The following KIF5B variants were observed in gnomAD, a reference collection of about 807,000 sequenced individuals.
KIF5B encodes the protein kinesin family member 5B, also known as kinesin-1 heavy chain.
In KIF5B, 49 loss-of-function variants were observed where a neutral mutation model predicts 132.8. That is an observed-to-expected ratio of 0.37 (90% CI 0.29 to 0.47). The LOEUF (loss-of-function observed/expected upper bound fraction) is 0.47, where lower values mean the gene tolerates loss of function less well. Among genes scored for constraint, KIF5B ranks in the 20% least tolerant of loss-of-function variants. KIF5B has a pLI of 1.00. For synonymous variants in KIF5B, 355 were observed against 369.4 expected, an observed-to-expected ratio of 0.96 and a Z score of 0.45; for missense variants, 780 against 1,144.0, an observed-to-expected ratio of 0.68 and a Z score of 4.59.
chr10:32,033,196 G>A (rs1002235031), intron 12 of KIF5B, among the ~76,000 whole-genome samples: 5 of 151,858 alleles, frequency 3.3e-5, no homozygotes, highest in South Asian at 2.1e-4. Flanking sequence ...TCTTTTATTG[G>A]AGTCTTCAGA....
intron 11 of KIF5B, 94 bp downstream of exon 11, chr10:32,034,596 T>C: frequency 1.2e-6 from 1 of 851,942 alleles, no homozygotes; most frequent in East Asian, 2.9e-5. Context: ...TTTCTTGATC[T>C]AGTCACTTAC....
At chr10:32,030,415 C>T (rs964996010) in intron 14 of KIF5B, among the ~76,000 whole-genome samples, 42 of 151,612 alleles carry the variant, frequency 2.8e-4, no homozygotes, top group Admixed American at 2.8e-3. Context: ...ACTCGGGAGA[C>T]TGAGGCAGGA....
intron 9 of KIF5B, 96 bp from the exon 10 acceptor site, chr10:32,035,763 T>A: frequency 7.4e-7 from 1 of 1,359,118 alleles, no homozygotes; most frequent in Non-Finnish European, 1.0e-6. Context: ...ACATACTGAT[T>A]CAAACACATT....
intron 25 of KIF5B, among the ~76,000 whole-genome samples, chr10:32,013,223 A>C (rs1351011364): frequency 1.3e-5 from 2 of 152,166 alleles, no homozygotes; most frequent in East Asian, 3.9e-4. Flanking sequence ...CTTAAGAATG[A>C]CTTCCATTTT....
At chr10:32,051,528 AACT>A (rs1341115500) in intron 1 of KIF5B, among the ~76,000 whole-genome samples, 1 of 152,222 alleles carries the variant, frequency 6.6e-6, no homozygotes, top group Non-Finnish European at 1.5e-5. Flanking sequence ...CAAATATATA[AACT>A]ACCACTACAA....
intron 6 of KIF5B, 41 bp from the exon 7 acceptor site, chr10:32,037,648 C>T: frequency 7.0e-7 from 1 of 1,424,052 alleles, no homozygotes; most frequent in Non-Finnish European, 9.9e-7. Context: ...GTCTGGCCAA[C>T]ATGATGAAAC....
At position 32,038,279 on chromosome 10, in the gene KIF5B, A is replaced by G. The variant is rs79466888; in HGVS notation, c.443-61T>C. 4,328 of 1,145,322 alleles carry G rather than the reference A, an allele frequency of 3.8e-3. 94 individuals carry two copies. In the African/African-American group the frequency reaches 0.053, roughly 14 times the overall value. The allele number at this position is 1,145,322 out of a possible 1,614,324, so 70.9% of individuals were successfully genotyped here. On this transcript the variant is annotated intron_variant, in intron 5 of 25. Coordinates refer to ENST00000302418, the MANE Select transcript of KIF5B (RefSeq NM_004521.3). ...TAAAACTCTTAACACTGGATATGAAATAACTGATAGGCTTTCCTGAGCAGC... is the reference window on the plus strand; with the variant it reads ...TAAAACTCTTAACACTGGATATGAAGTAACTGATAGGCTTTCCTGAGCAGC...
chr10:32,031,989 G>A (rs914672211), intron 13 of KIF5B, among the ~76,000 whole-genome samples: 8 of 149,648 alleles, frequency 5.3e-5, no homozygotes, highest in African/African-American at 2.0e-4. Context: ...ACAAGAGCAA[G>A]ACTTCGCCTC....
At chr10:32,045,876 C>T (rs933286645) in intron 2 of KIF5B, among the ~76,000 whole-genome samples, 2 of 152,144 alleles carry the variant, frequency 1.3e-5, no homozygotes. Flanking sequence ...CTGAAGTTGG[C>T]TGAATACCCA....
intron 2 of KIF5B, among the ~76,000 whole-genome samples, chr10:32,044,836 G>A (rs1841588509): frequency 1.3e-5 from 2 of 152,226 alleles, no homozygotes. Flanking sequence ...GAAAGTGGCA[G>A]AGCCTAGAAT....
chr10:32,053,860 T>C (rs1564472390), intron 1 of KIF5B, among the ~76,000 whole-genome samples: 1 of 152,214 alleles, frequency 6.6e-6, no homozygotes, highest in Non-Finnish European at 1.5e-5. Context: ...TTCCTAATAT[T>C]ACCATTTATA....
intron 14 of KIF5B, among the ~76,000 whole-genome samples, chr10:32,030,236 G>A (rs577790937): frequency 7.7e-4 from 117 of 152,194 alleles, no homozygotes; most frequent in African/African-American, 2.5e-3. Flanking sequence ...CCATCTAGTC[G>A]CCAGGCACGG....
At chr10:32,037,180 C>G (rs778195672) in intron 8 of KIF5B, 74 bp downstream of exon 8, 178 of 1,409,216 alleles carry the variant, frequency 1.3e-4, no homozygotes, top group Non-Finnish European at 1.5e-4. Context: ...AACAATGAAC[C>G]CTGCGTAACT....
intron 15 of KIF5B, among the ~76,000 whole-genome samples, chr10:32,024,146 CTTTTTTTTTTTTTT>C (rs769483155): frequency 7.2e-5 from 5 of 69,744 alleles, no homozygotes; most frequent in Non-Finnish European, 9.8e-5. Flanking sequence ...ATGAAGAACT[CTTTTTTTTTTTTTT>C]TTTTTTTTTT....
chr10:32,050,061 T>C (rs112231862), intron 1 of KIF5B, among the ~76,000 whole-genome samples: 54 of 152,268 alleles, frequency 3.5e-4, no homozygotes, highest in African/African-American at 1.1e-3. Context: ...AGTATCTGCC[T>C]GCTCTCTAGT....
intron 23 of KIF5B, 146 bp from the exon 24 acceptor site, chr10:32,017,505 A>G (rs1841190428): frequency 1.5e-6 from 1 of 655,374 alleles, no homozygotes; most frequent in Non-Finnish European, 2.6e-6. Flanking sequence ...ACACGCAAGG[A>G]ATACATCCAT....
At chr10:32,033,817 A>C (rs1841429310) in intron 12 of KIF5B, 28 bp downstream of exon 12, 1 of 1,520,988 alleles carries the variant, frequency 6.6e-7, no homozygotes, top group East Asian at 2.3e-5. Flanking sequence ...TCCTAATATA[A>C]AGCAGACCTA....
chr10:32,011,862 G>C (rs1202160620), intron 25 of KIF5B, among the ~76,000 whole-genome samples: 1 of 151,964 alleles, frequency 6.6e-6, no homozygotes, highest in Admixed American at 6.6e-5. Flanking sequence ...CCAGCAGACA[G>C]TGGTCAGTGA....
chr10:32,040,107 A>T (rs1721338623), intron 3 of KIF5B, among the ~76,000 whole-genome samples: 1 of 152,170 alleles, frequency 6.6e-6, no homozygotes, highest in African/African-American at 2.4e-5. Flanking sequence ...TTCCCATATA[A>T]CAGGGTGACA....
Sources: allele counts gnomAD v4.1 joint callset (sites outside exome capture counted in the v4.1 genomes callset), GRCh38; gene constraint gnomAD v4.1.1; transcripts MANE v1.5; gene names NCBI Gene and HGNC (gene_info 2026-07-23, HGNC 2026-07-21).